Variants in GCNT1 observed in about 807,000 individuals in gnomAD.
GCNT1 encodes the protein beta-1,3-galactosyl-O-glycosyl-glycoprotein beta-1,6-N-acetylglucosaminyltransferase.
A neutral mutation model predicts 26.2 loss-of-function variants in GCNT1; 16 were observed. That is an observed-to-expected ratio of 0.61 (90% CI 0.41 to 0.93). The LOEUF (loss-of-function observed/expected upper bound fraction) is 0.93, where lower values mean the gene tolerates loss of function less well. GCNT1 is among the 40% of genes least tolerant of loss of function. The pLI is 0.00. For synonymous variants in GCNT1, 183 were observed against 190.8 expected, an observed-to-expected ratio of 0.96 and a Z score of 0.34; for missense variants, 477 against 526.7, an observed-to-expected ratio of 0.91 and a Z score of 0.92.
chr9:76,472,720 CTTTCT>C (rs547939879), intron 2 of GCNT1, among the ~76,000 whole-genome samples: 38,904 of 129,110 alleles, frequency 0.3, 7,038 homozygotes, highest in Non-Finnish European at 0.4. Context: ...AGAATCTTGT[CTTTCT>C]TTTCTTTTCT....
chr9:76,437,340 G>A (rs56314195), upstream of GCNT1, among the ~76,000 whole-genome samples: 3,384 of 152,204 alleles, frequency 0.022, 55 homozygotes, highest in Non-Finnish European at 0.032. Context: ...ACAGTGTGCA[G>A]TAAAGAAGCC....
chr9:76,402,721 C>A, the GCNT1 span, among the ~76,000 whole-genome samples: 1 of 150,444 alleles, frequency 6.6e-6, no homozygotes, highest in African/African-American at 2.5e-5. Flanking sequence ...ACTCTGTTGC[C>A]CAGGCTGGAG....
intron 1 of GCNT1, among the ~76,000 whole-genome samples, chr9:76,430,287 G>A (rs1159225518): frequency 3.9e-5 from 6 of 152,052 alleles, no homozygotes; most frequent in African/African-American, 1.4e-4. Context: ...TTGCCAATCC[G>A]AGAAGGATTT....
At chr9:76,419,535 G>A (rs1056246965), upstream of GCNT1, among the ~76,000 whole-genome samples, 2 of 152,102 alleles carry the variant, frequency 1.3e-5, no homozygotes, top group Admixed American at 6.5e-5. Flanking sequence ...GGGTGTGGCT[G>A]TAGTCCCAAC....
Position 76,492,593 on chromosome 9 carries a change from C to T in GCNT1, c.-289-8323C>T, listed in dbSNP as rs187397297. 2.9e-3 allele frequency among the ~76,000 whole-genome samples: 433 copies of T among 150,552 alleles called. 2 individuals carry two copies. Among genetic ancestry groups the T allele is most frequent in the Middle Eastern group, 0.017 (5 of 294 alleles). On this transcript the variant is annotated intron_variant, in intron 2 of 3. Coordinates refer to ENST00000376730, the MANE Select transcript of GCNT1 (RefSeq NM_001490.5). ...GGTGCTTGCCCCGGGCACCCTCAGT[C>T]CTTTTGTTGGATTATCTGGTTGGCG...
rs1262269973 is a variant in GCNT1 at position 76,506,032 on chromosome 9, A to G, written c.*2364A>G. The G allele has an allele frequency of 6.0e-6, 1 of 167,074 alleles. No individual in the cohort carries two copies. The highest frequency in any genetic ancestry group is 2.4e-5 in the African/African-American group (1 of 41,458). The allele number at this position is 167,074 out of a possible 1,614,324, so 10.3% of individuals were successfully genotyped here. Reference sequence around the variant, plus strand: ...TATACGATCCATTCATTGGGGCTCAAAGTATCTTTTAGACTTTTAAGGACA... The same window carrying G: ...TATACGATCCATTCATTGGGGCTCAGAGTATCTTTTAGACTTTTAAGGACA... On this transcript the variant is annotated 3_prime_UTR_variant, in exon 4 of 4. Transcript: ENST00000376730.
intron 1 of GCNT1, among the ~76,000 whole-genome samples, chr9:76,451,306 A>G (rs72747339): frequency 0.039 from 5,902 of 152,298 alleles, 134 homozygotes; most frequent in Middle Eastern, 0.061. Context: ...AGAGCTCTTT[A>G]GCCAGTGCTA....
At chr9:76,403,915 A>C in the GCNT1 span, among the ~76,000 whole-genome samples, 1 of 152,214 alleles carries the variant, frequency 6.6e-6, no homozygotes, top group Admixed American at 6.5e-5. Flanking sequence ...TAGGAGATAA[A>C]GATGCTAAAA....
At chr9:76,482,350 G>A (rs1163002274) in intron 2 of GCNT1, among the ~76,000 whole-genome samples, 1 of 152,060 alleles carries the variant, frequency 6.6e-6, no homozygotes, top group Non-Finnish European at 1.5e-5. Context: ...GCTGGGCGTG[G>A]TGGCTCCATG....
chr9:76,415,186 T>C (rs577463640), upstream of GCNT1, among the ~76,000 whole-genome samples: 4 of 152,284 alleles, frequency 2.6e-5, no homozygotes, highest in South Asian at 8.3e-4. Flanking sequence ...GCCTCCTGTG[T>C]AGCTGGGGCT....
chr9:76,500,447 T>C (rs2131642179), intron 2 of GCNT1, among the ~76,000 whole-genome samples: 1 of 152,322 alleles, frequency 6.6e-6, no homozygotes, highest in South Asian at 2.1e-4. Context: ...TATGTTTTGT[T>C]ACCGAAGCTC....
At chr9:76,474,430 A>G (rs1824211269) in intron 2 of GCNT1, among the ~76,000 whole-genome samples, 1 of 152,222 alleles carries the variant, frequency 6.6e-6, no homozygotes, top group African/African-American at 2.4e-5. Context: ...CTATGAATAT[A>G]CAAAGCTATT....
chr9:76,442,930 C>G (rs945622639), intron 1 of GCNT1, among the ~76,000 whole-genome samples: 1 of 152,016 alleles, frequency 6.6e-6, no homozygotes, highest in South Asian at 2.1e-4. Flanking sequence ...ACTGGCCAGG[C>G]TCAGTGGCTC....
At chr9:76,501,279 G>A (rs958207867) in intron 3 of GCNT1, among the ~76,000 whole-genome samples, 49 of 152,162 alleles carry the variant, frequency 3.2e-4, no homozygotes, top group African/African-American at 1.1e-3. Flanking sequence ...GAACAGCAGC[G>A]CTTATCAGCT....
intron 2 of GCNT1, among the ~76,000 whole-genome samples, chr9:76,475,366 G>A (rs2131608926): frequency 6.6e-6 from 1 of 152,222 alleles, no homozygotes; most frequent in East Asian, 1.9e-4. Context: ...TCCAAAAAGA[G>A]AATCTGTAAC....
the GCNT1 span, among the ~76,000 whole-genome samples, chr9:76,401,652 A>G: frequency 6.6e-6 from 1 of 152,220 alleles, no homozygotes; most frequent in African/African-American, 2.4e-5. Context: ...TATCATGTAT[A>G]TTTTATATGT....
chr9:76,506,614 A>G lies in GCNT1; in HGVS notation c.*2946A>G, dbSNP rs1825245585. The stretch of plus-strand genomic sequence containing the variant: ...AAGGATTCTAGTTAATGAGTATTGC[A>G]TCAAGATTTACATCTTTCTTACTAA... On this transcript the variant is annotated 3_prime_UTR_variant, in exon 4 of 4. Coordinates refer to ENST00000376730, the MANE Select transcript of GCNT1 (RefSeq NM_001490.5). 6.0e-6 allele frequency: 1 copy of G among 167,070 alleles called. No homozygotes were observed. Among genetic ancestry groups the G allele is most frequent in the South Asian group, 2.1e-4 (1 of 4,836 alleles). The allele number at this position is 167,070 out of a possible 1,614,324, so 10.3% of individuals were successfully genotyped here.
rs537177355 is a variant in GCNT1, at chr9:76,465,756, T to A, written c.-290+5579T>A. Among the ~76,000 whole-genome samples the A allele has an allele frequency of 2.6e-5, 4 of 152,280 alleles. No individual in the cohort carries two copies. In the East Asian group the frequency reaches 7.7e-4, roughly 29 times the overall value. On this transcript the variant is annotated intron_variant, in intron 2 of 3. Transcript: ENST00000376730. Reference sequence around the variant, plus strand: ...CTTAATGACAGGTGAGGATTGAGATTGAGTGAGATTGGGTTTGTAGTTAAA... The same window carrying A: ...CTTAATGACAGGTGAGGATTGAGATAGAGTGAGATTGGGTTTGTAGTTAAA...
At chr9:76,406,833 G>C in the GCNT1 span, among the ~76,000 whole-genome samples, 1 of 152,128 alleles carries the variant, frequency 6.6e-6, no homozygotes, top group African/African-American at 2.4e-5. Flanking sequence ...TTGAAGCCAG[G>C]AGTTAGAGAC....
Sources: gnomAD v4.1 joint callset for allele counts (sites outside exome capture counted in the v4.1 genomes callset) on GRCh38, gnomAD v4.1.1 for gene constraint, MANE v1.5 for transcripts, NCBI Gene and HGNC (gene_info 2026-07-23, HGNC 2026-07-21) for gene names.